The following ARCN1 variants were observed in gnomAD, a reference collection of about 807,000 sequenced individuals.
The protein encoded by ARCN1 is archain 1 coat protein complex I subunit delta.
In ARCN1, 5 loss-of-function variants were observed where a neutral mutation model predicts 60.4. The ratio of observed to expected loss-of-function variants is 0.08; its 90% CI spans 0.04 to 0.17. The LOEUF is 0.17. Among genes scored for constraint, ARCN1 ranks in the 10% least tolerant of loss-of-function variants. ARCN1 has a pLI of 1.00. For synonymous variants in ARCN1, 224 were observed against 220.0 expected (o/e 1.02, Z -0.16); for missense variants, 464 against 626.5 (o/e 0.74, Z 2.77).
intron 1 of ARCN1, among the ~76,000 whole-genome samples, chr11:118,575,570 T>C (rs1938476359): frequency 6.6e-6 from 1 of 152,190 alleles, no homozygotes; most frequent in Non-Finnish European, 1.5e-5. Context: ...TCTGATTTTA[T>C]CTATAATAGC....
intron 1 of ARCN1, among the ~76,000 whole-genome samples, chr11:118,574,874 C>A (rs1159312470): frequency 6.6e-6 from 1 of 152,194 alleles, no homozygotes; most frequent in African/African-American, 2.4e-5. Flanking sequence ...TCAAGCAATC[C>A]TCCCGCCTCC....
At chr11:118,593,530 C>CCA in intron 7 of ARCN1, 60 bp from the exon 8 acceptor site, 1 of 1,201,234 alleles carries the variant, frequency 8.3e-7, no homozygotes, top group Non-Finnish European at 1.2e-6. Flanking sequence ...CAGGCATGAG[C>CCA]CACTGCACCC....
rs141813574 is a variant in ARCN1, at chr11:118,587,141, G to T, written c.818+2497G>T. Among the ~76,000 whole-genome samples, 139 of 152,270 alleles carry T rather than the reference G, an allele frequency of 9.1e-4. 4 individuals carry two copies. In the East Asian group the frequency reaches 0.012, roughly 13 times the overall value. ...CAAACGTATGTCTATTACTGAATAT[G>T]AATAGATTGTACTTAATACTTGCCT... On this transcript the variant is annotated intron_variant, in intron 5 of 9. Transcript: ENST00000264028.
rs199940295 is a variant in ARCN1 at position 118,600,687 on chromosome 11, C to G, written c.1509C>G (p.Phe503Leu). The G allele has an allele frequency of 6.2e-7, 1 of 1,611,608 alleles. No individual in the cohort carries two copies. Among genetic ancestry groups the G allele is most frequent in the African/African-American group, 1.3e-5 (1 of 74,778 alleles). The change falls in exon 10 of 10, where the codon TTC becomes TTG. Residue 503 changes from phenylalanine to leucine, a missense_variant. Physicochemically the swap from Phe to Leu is conservative, Grantham distance 22 (BLOSUM62 0). Around this residue, in one of 2 missense-constraint regions of ARCN1, gnomAD observed 359 missense variants for 440.2 expected, o/e 0.82. Coordinates refer to ENST00000264028, the MANE Select transcript of ARCN1 (RefSeq NM_001655.5). Reference sequence around the variant, plus strand: ...TCAGGTTTTCCACAGAGACCACTTTCCTAGTGGATAAGTATGAAATTCTGT... The same window carrying G: ...TCAGGTTTTCCACAGAGACCACTTTGCTAGTGGATAAGTATGAAATTCTGT... ...SPVRFSTETT[F>L]LVDKYEIL
chr11:118,597,660 G>A (rs189078988), intron 8 of ARCN1, 47 bp from the exon 9 acceptor site: 79 of 1,600,064 alleles, frequency 4.9e-5, no homozygotes, highest in Admixed American at 2.2e-4. Flanking sequence ...CCGTGGTGGA[G>A]TTCTAGCTCT....
At chr11:118,574,410 A>C (rs1419299464) in intron 1 of ARCN1, among the ~76,000 whole-genome samples, 4 of 152,164 alleles carry the variant, frequency 2.6e-5, no homozygotes, top group Admixed American at 6.5e-5. Flanking sequence ...TCAACATTTC[A>C]TTATGAAATT....
intron 4 of ARCN1, 66 bp downstream of exon 4, chr11:118,584,080 A>G: frequency 6.8e-7 from 1 of 1,462,216 alleles, no homozygotes; most frequent in Non-Finnish European, 9.3e-7. Context: ...TGAAGTCATA[A>G]TCTGATTTCT....
At chr11:118,584,979 C>T (rs1555075270) in intron 5 of ARCN1, among the ~76,000 whole-genome samples, 1 of 151,880 alleles carries the variant, frequency 6.6e-6, no homozygotes, top group Admixed American at 6.6e-5. Flanking sequence ...GCGCCCACCC[C>T]TACGCCCGGC....
Position 118,590,330 on chromosome 11 carries a change from T to G in ARCN1, c.819-11T>G, listed in dbSNP as rs782384548. On this transcript the variant is annotated splice_polypyrimidine_tract_variant and intron_variant, in intron 5 of 9. Transcript: ENST00000264028. ...ACCTTTCTGAACAAATGTATTACTTTCTCTTTATAGTGTACATATGAAGAT... is the reference window on the plus strand; with the variant it reads ...ACCTTTCTGAACAAATGTATTACTTGCTCTTTATAGTGTACATATGAAGAT... 5 of 1,604,644 alleles carry G rather than the reference T, an allele frequency of 3.1e-6. No individual in the cohort carries two copies. The highest frequency in any genetic ancestry group is 1.7e-5 in the Admixed American group (1 of 59,388).
chr11:118,600,753 T>A lies in ARCN1; in HGVS notation c.*39T>A. On this transcript the variant is annotated 3_prime_UTR_variant, in exon 10 of 10. Coordinates refer to ENST00000264028, the MANE Select transcript of ARCN1 (RefSeq NM_001655.5). ...GAGCTGAAAAGGAAAATTTTCAGAT[T>A]AATAAAGAAGACGCCAATGATGGCT... is the stretch of plus-strand genomic sequence containing the variant. The A allele has an allele frequency of 7.0e-7, 1 of 1,429,820 alleles. No homozygotes were observed. Among genetic ancestry groups the A allele is most frequent in the South Asian group, 1.2e-5 (1 of 82,020 alleles). The allele number at this position is 1,429,820 out of a possible 1,614,324, so 88.6% of individuals were successfully genotyped here.
At chr11:118,590,207 C>G in intron 5 of ARCN1, 134 bp from the exon 6 acceptor site, 1 of 576,510 alleles carries the variant, frequency 1.7e-6, no homozygotes, top group Non-Finnish European at 3.0e-6. Context: ...GTTGGTCAGG[C>G]TGGTCTCGAA....
chr11:118,582,019 T>G (rs1591383701), intron 2 of ARCN1, among the ~76,000 whole-genome samples: 1 of 151,682 alleles, frequency 6.6e-6, no homozygotes, highest in Non-Finnish European at 1.5e-5. Flanking sequence ...TAAGGCCAGG[T>G]GCGGTAGCAT....
At position 118,602,519 on chromosome 11, in the gene ARCN1, A is replaced by G. The variant is rs2135562066; in HGVS notation, c.*1805A>G. 6.5e-6 allele frequency: 1 copy of G among 153,916 alleles called. No homozygotes were observed. Among genetic ancestry groups the G allele is most frequent in the African/African-American group, 2.4e-5 (1 of 41,576 alleles). The allele number at this position is 153,916 out of a possible 1,614,324, so 9.5% of individuals were successfully genotyped here. Reference sequence around the variant, plus strand: ...ATCTGGCCGTCCCTGCAAAGAGTGTACTGTGCTTGAAGCAGAGCACTCACA... The same window carrying G: ...ATCTGGCCGTCCCTGCAAAGAGTGTGCTGTGCTTGAAGCAGAGCACTCACA... On this transcript the variant is annotated 3_prime_UTR_variant, in exon 10 of 10. Transcript: ENST00000264028.
At chr11:118,575,260 G>A (rs1555073288) in intron 1 of ARCN1, among the ~76,000 whole-genome samples, 1 of 152,200 alleles carries the variant, frequency 6.6e-6, no homozygotes, top group Non-Finnish European at 1.5e-5. Context: ...TTATAGGTGT[G>A]AGCCATGGCG....
intron 3 of ARCN1, 123 bp downstream of exon 3, chr11:118,583,481 C>T: frequency 8.3e-7 from 1 of 1,200,786 alleles, no homozygotes; most frequent in East Asian, 2.6e-5. Context: ...AGGCTAGGCA[C>T]AGTGGCTCAT....
At chr11:118,580,413 G>C (rs1027810399) in intron 1 of ARCN1, among the ~76,000 whole-genome samples, 3 of 152,146 alleles carry the variant, frequency 2.0e-5, no homozygotes, top group South Asian at 2.1e-4. Flanking sequence ...CAAAACTAGC[G>C]TAGTTTGAAG....
chr11:118,584,731 CTT>C (rs1938738552), intron 5 of ARCN1, 87 bp downstream of exon 5: 3 of 1,156,614 alleles, frequency 2.6e-6, no homozygotes, highest in Non-Finnish European at 2.4e-6. Context: ...GCTATAAATT[CTT>C]TCTCTGTCTT....
At chr11:118,576,320 C>T (rs1938501297) in intron 1 of ARCN1, among the ~76,000 whole-genome samples, 1 of 147,006 alleles carries the variant, frequency 6.8e-6, no homozygotes, top group African/African-American at 2.5e-5. Context: ...TTTTAACCGT[C>T]CTGGAGAGAT....
At chr11:118,599,842 CG>C (rs1565367611) in intron 9 of ARCN1, among the ~76,000 whole-genome samples, 1 of 152,112 alleles carries the variant, frequency 6.6e-6, no homozygotes, top group Non-Finnish European at 1.5e-5. Context: ...ATATGGTCTC[CG>C]TCTCCCCTGT....
Sources: allele counts gnomAD v4.1 joint callset (sites outside exome capture counted in the v4.1 genomes callset), GRCh38; gene constraint gnomAD v4.1.1; regional missense constraint gnomAD v4.1.1; transcripts MANE v1.5; gene names NCBI Gene and HGNC (gene_info 2026-07-23, HGNC 2026-07-21).